The following LRGUK variants were observed in gnomAD, a reference collection of about 807,000 sequenced individuals.
LRGUK encodes leucine rich repeats and guanylate kinase domain containing.
LRGUK carries 65 observed loss-of-function variants against 76.0 expected under a neutral mutation model. The ratio of observed to expected loss-of-function variants is 0.85; its 90% CI spans 0.70 to 1.05. The LOEUF (loss-of-function observed/expected upper bound fraction) is 1.05, where lower values mean the gene tolerates loss of function less well. Ranked by LOEUF, LRGUK falls within the 50% of genes least tolerant of loss-of-function variation. LRGUK has a pLI of 0.00. For missense variants in LRGUK, 758 were observed against 732.8 expected (o/e 1.03, Z -0.40); for synonymous variants, 268 against 265.6 (o/e 1.01, Z -0.09).
chr7:134,149,963 C>T (rs930928141), intron 5 of LRGUK, among the ~76,000 whole-genome samples: 3 of 152,090 alleles, frequency 2.0e-5, no homozygotes, highest in Admixed American at 1.3e-4. Flanking sequence ...TTTGAGTGCA[C>T]ATTAAAGCTT....
intron 15 of LRGUK, among the ~76,000 whole-genome samples, chr7:134,217,095 G>T (rs1801452289): frequency 6.8e-6 from 1 of 147,054 alleles, no homozygotes. Flanking sequence ...AAATTTACCT[G>T]TTCTATGTGT....
intron 16 of LRGUK, among the ~76,000 whole-genome samples, chr7:134,234,919 T>G (rs2598256): frequency 0.052 from 7,847 of 152,180 alleles, 453 homozygotes; most frequent in East Asian, 0.15. Flanking sequence ...CTTTGTACTC[T>G]TTTCTCTCCC....
chr7:134,245,732 T>C (rs1398360700), intron 16 of LRGUK, among the ~76,000 whole-genome samples: 1 of 152,150 alleles, frequency 6.6e-6, no homozygotes, highest in Non-Finnish European at 1.5e-5. Flanking sequence ...ATCACAGTAG[T>C]AAATGGTGTA....
intron 16 of LRGUK, among the ~76,000 whole-genome samples, chr7:134,232,413 G>T (rs1801923578): frequency 1.3e-5 from 2 of 152,130 alleles, no homozygotes; most frequent in South Asian, 4.2e-4. Flanking sequence ...TGAGTAGCTG[G>T]GATTACAGGC....
At position 134,144,791 on chromosome 7, in the gene LRGUK, GT is replaced by G. The variant is rs571477381; in HGVS notation, c.588+1634del. Among the ~76,000 whole-genome samples the G allele has an allele frequency of 3.1e-3, 479 of 152,072 alleles. 1 individual carries two copies. Among genetic ancestry groups the G allele is most frequent in the African/African-American group, 0.011 (459 of 41,476 alleles). On this transcript the variant is annotated intron_variant, in intron 4 of 15. Coordinates refer to ENST00000645682, the Ensembl canonical transcript of LRGUK. Reference sequence around the variant, plus strand: ...TGCATTTTTTCCCTTTGAAATTATAGTTTTTGCCAGGATGACATTCCTTTGT... The same window carrying G: ...TGCATTTTTTCCCTTTGAAATTATAGTTTTGCCAGGATGACATTCCTTTGT...
At chr7:134,258,820 G>A (rs1466407148) in intron 19 of LRGUK, among the ~76,000 whole-genome samples, 2 of 152,086 alleles carry the variant, frequency 1.3e-5, no homozygotes, top group Admixed American at 6.5e-5. Context: ...AATTAAATGA[G>A]AGTATTGAGT....
At chr7:134,196,762 G>A (rs1321844822) in intron 12 of LRGUK, among the ~76,000 whole-genome samples, 1 of 152,034 alleles carries the variant, frequency 6.6e-6, no homozygotes. Context: ...CATTTTGTCA[G>A]CAAATTATTT....
At chr7:134,223,257 G>A (rs1801649205) in intron 16 of LRGUK, among the ~76,000 whole-genome samples, 1 of 151,992 alleles carries the variant, frequency 6.6e-6, no homozygotes, top group Non-Finnish European at 1.5e-5. Context: ...CATTCTTCCC[G>A]GCAACTTCCT....
chr7:134,201,596 G>C lies in LRGUK; in HGVS notation c.1843+20G>C. The C allele has an allele frequency of 6.4e-7, 1 of 1,572,050 alleles. No individual in the cohort carries two copies. Among genetic ancestry groups the C allele is most frequent in the East Asian group, 2.2e-5 (1 of 44,510 alleles). Reference sequence around the variant, plus strand: ...CTGCAGGTACTATTCTATCATTTTTGTGCCAGGATTTTTTTTTTTTTCATG... The same window carrying C: ...CTGCAGGTACTATTCTATCATTTTTCTGCCAGGATTTTTTTTTTTTTCATG... On this transcript the variant is annotated intron_variant, in intron 15 of 15. Coordinates refer to ENST00000645682, the Ensembl canonical transcript of LRGUK.
chr7:134,183,866 A>G lies in LRGUK; in HGVS notation c.1334+13A>G, dbSNP rs768968049. 6.2e-7 allele frequency: 1 copy of G among 1,613,352 alleles called. No homozygotes were observed. Among genetic ancestry groups the G allele is most frequent in the Non-Finnish European group, 8.5e-7 (1 of 1,179,606 alleles). The stretch of plus-strand genomic sequence containing the variant: ...ACTTCAGATATGGGTAAGTTTGTTT[A>G]TTGGCTTGTTAAGACTTGGAAATTC... On this transcript the variant is annotated intron_variant, in intron 11 of 15. Coordinates refer to ENST00000645682, the Ensembl canonical transcript of LRGUK.
chr7:134,174,944 G>C (rs148550917), intron 8 of LRGUK, among the ~76,000 whole-genome samples: 33 of 152,254 alleles, frequency 2.2e-4, no homozygotes, highest in Middle Eastern at 3.4e-3. Flanking sequence ...TGTGGTAAAG[G>C]TTACAGGAAG....
chr7:134,150,333 G>A (rs568932040), intron 5 of LRGUK, among the ~76,000 whole-genome samples: 3 of 151,950 alleles, frequency 2.0e-5, no homozygotes, highest in Admixed American at 6.5e-5. Flanking sequence ...CTGATGGCAC[G>A]TGCCTGTAGT....
intron 5 of LRGUK, among the ~76,000 whole-genome samples, chr7:134,157,685 G>A (rs1798541321): frequency 1.3e-5 from 2 of 152,124 alleles, no homozygotes; most frequent in African/African-American, 2.4e-5. Flanking sequence ...ACCACGCCCG[G>A]CTAATTTTTT....
downstream of LRGUK, among the ~76,000 whole-genome samples, chr7:134,268,984 G>A (rs1194337241): frequency 6.6e-6 from 1 of 151,818 alleles, no homozygotes. Context: ...TCCCGTCTCA[G>A]CCTCCCAAAG....
At chr7:134,219,768 T>C (rs988364631) in intron 15 of LRGUK, among the ~76,000 whole-genome samples, 5 of 152,136 alleles carry the variant, frequency 3.3e-5, no homozygotes, top group African/African-American at 9.7e-5. Flanking sequence ...GATGAAGTTA[T>C]ATTAAGGATA....
Position 134,232,450 on chromosome 7 carries a change from T to C in LRGUK, c.1983+10532T>C, listed in dbSNP as rs1449189040. On this transcript the variant is annotated intron_variant, in intron 16 of 19. Coordinates refer to the LRGUK transcript ENST00000285928. Reference sequence around the variant, plus strand: ...CGTGCCACCACACTTGGCTAATTTTTTGTATCTTTAGTAAAGATGGGGTTT... The same window carrying C: ...CGTGCCACCACACTTGGCTAATTTTCTGTATCTTTAGTAAAGATGGGGTTT... 2.0e-5 allele frequency among the ~76,000 whole-genome samples: 3 copies of C among 152,096 alleles called. No homozygotes were observed. The East Asian group carries it at 5.8e-4, about 29-fold the overall frequency.
chr7:134,260,708 C>T (rs76106216), intron 19 of LRGUK, among the ~76,000 whole-genome samples: 2 of 152,104 alleles, frequency 1.3e-5, no homozygotes, highest in Non-Finnish European at 2.9e-5. Context: ...GCTGTTCTAT[C>T]GTATCCCTCA....
chr7:134,171,483 T>G (rs774082414), intron 7 of LRGUK, among the ~76,000 whole-genome samples: 24 of 151,362 alleles, frequency 1.6e-4, no homozygotes, highest in Non-Finnish European at 2.9e-5. Context: ...CATATATAAG[T>G]TTTTTTTTAA....
chr7:134,167,570 T>C (rs574196238), intron 7 of LRGUK, among the ~76,000 whole-genome samples: 3 of 152,296 alleles, frequency 2.0e-5, no homozygotes, highest in Admixed American at 2.0e-4. Flanking sequence ...TACGCAGGAC[T>C]GGCTGTCAGT....
Sources: gnomAD v4.1 joint callset for allele counts (sites outside exome capture counted in the v4.1 genomes callset) on GRCh38, gnomAD v4.1.1 for gene constraint, MANE v1.5 for transcripts, NCBI Gene and HGNC (gene_info 2026-07-23, HGNC 2026-07-21) for gene names.